The following NCBP1 variants were observed in gnomAD, a reference collection of about 807,000 sequenced individuals.
The protein encoded by NCBP1 is nuclear cap-binding protein subunit 1.
Under a neutral mutation model 111.7 loss-of-function variants are expected in NCBP1, and 16 were observed. That is an observed-to-expected ratio of 0.14 (90% CI 0.10 to 0.22). The LOEUF is 0.22. Ranked by LOEUF, NCBP1 falls within the 10% of genes least tolerant of loss-of-function variation. The pLI, the probability that NCBP1 is intolerant of heterozygous loss-of-function variation, is 1.00. For missense variants in NCBP1, 607 were observed against 957.5 expected, an observed-to-expected ratio of 0.63 and a Z score of 4.83; for synonymous variants, 304 against 314.3, an observed-to-expected ratio of 0.97 and a Z score of 0.35.
At chr9:97,653,021 A>G (rs948523474) in intron 10 of NCBP1, among the ~76,000 whole-genome samples, 2 of 152,158 alleles carry the variant, frequency 1.3e-5, no homozygotes, top group Non-Finnish European at 2.9e-5. Flanking sequence ...CATGGCAAAG[A>G]AGTCTTGGAC....
chr9:97,654,776 TA>T, intron 11 of NCBP1, 103 bp from the exon 12 acceptor site: 1 of 997,986 alleles, frequency 1.0e-6, no homozygotes, highest in Non-Finnish European at 1.5e-6. Flanking sequence ...TGTTCAGCAT[TA>T]TTAATCATTA....
chr9:97,648,733 T>A (rs1179542657), intron 8 of NCBP1, among the ~76,000 whole-genome samples: 1 of 152,210 alleles, frequency 6.6e-6, no homozygotes, highest in African/African-American at 2.4e-5. Context: ...TTTTTTCTTT[T>A]CGAAATGGGG....
chr9:97,639,704 G>GCAT (rs199600517), intron 1 of NCBP1, among the ~76,000 whole-genome samples: 2,029 of 152,246 alleles, frequency 0.013, 27 homozygotes, highest in Admixed American at 0.02. Flanking sequence ...TTTAGCAGCA[G>GCAT]CATCAGGTTC....
chr9:97,634,993 T>G (rs946533656), intron 1 of NCBP1, among the ~76,000 whole-genome samples: 1 of 152,228 alleles, frequency 6.6e-6, no homozygotes, highest in Admixed American at 6.5e-5. Flanking sequence ...TTGCCAACGC[T>G]TAAGAGGCGG....
intron 1 of NCBP1, among the ~76,000 whole-genome samples, chr9:97,639,759 C>T (rs1459054133): frequency 6.6e-6 from 1 of 152,082 alleles, no homozygotes. Flanking sequence ...TTATGTTATA[C>T]CACAAAAGGA....
intron 4 of NCBP1, among the ~76,000 whole-genome samples, 185 bp from the exon 5 acceptor site, chr9:97,644,932 T>TC (rs1187059683): frequency 2.0e-5 from 3 of 152,336 alleles, no homozygotes; most frequent in East Asian, 1.9e-4. Flanking sequence ...GATTTTTTTT[T>TC]CACGCATTTA....
In NCBP1 at chr9:97,648,022, G is replaced by T. The variant is rs751662041; in HGVS notation, c.696G>T (p.Leu232=). 3 of 1,613,136 alleles carry T rather than the reference G, an allele frequency of 1.9e-6. No individual in the cohort carries two copies. Among genetic ancestry groups the T allele is most frequent in the South Asian group, 2.2e-5 (2 of 90,950 alleles). ...TCTGTCTTTAGTATTTAGATTGCCTGTGGGCCCAGATTCAGAAATTGAAAA... is the reference window on the plus strand; with the variant it reads ...TCTGTCTTTAGTATTTAGATTGCCTTTGGGCCCAGATTCAGAAATTGAAAA... The part of the protein sequence containing the change: ...PHPQEEYLDC[L]WAQIQKLKKD... Residue 232 remains leucine, a synonymous_variant, in exon 8 of 23, where the codon CTG becomes CTT. Coordinates refer to ENST00000375147, the MANE Select transcript of NCBP1 (RefSeq NM_002486.5).
At chr9:97,649,357 C>T (rs553942137) in intron 8 of NCBP1, among the ~76,000 whole-genome samples, 1 of 152,228 alleles carries the variant, frequency 6.6e-6, no homozygotes, top group East Asian at 1.9e-4. Flanking sequence ...TAGCACTCTC[C>T]CTGCCTCAGT....
At chr9:97,649,256 T>C (rs1827432356) in intron 8 of NCBP1, among the ~76,000 whole-genome samples, 1 of 152,188 alleles carries the variant, frequency 6.6e-6, no homozygotes, top group African/African-American at 2.4e-5. Context: ...TATTGTACAA[T>C]TAAGAAAATT....
chr9:97,668,840 C>T lies in NCBP1; in HGVS notation c.2017-6C>T, dbSNP rs756255089. 1 of 1,608,812 alleles carries T rather than the reference C, an allele frequency of 6.2e-7. No homozygotes were observed. The highest frequency in any genetic ancestry group is 8.5e-7 in the Non-Finnish European group (1 of 1,178,434). ...TATTTTCCTTTTGTTCATTTGCCTT[C>T]TATAGCGAAGTGATGATGACGACAG... On this transcript the variant is annotated splice_region_variant and splice_polypyrimidine_tract_variant and intron_variant, in intron 20 of 22. Transcript: ENST00000375147.
At chr9:97,647,622 T>G in intron 7 of NCBP1, 61 bp downstream of exon 7, 1 of 1,351,760 alleles carries the variant, frequency 7.4e-7, no homozygotes, top group African/African-American at 1.4e-5. Flanking sequence ...GATTCTTATC[T>G]CTGTAAGATA....
chr9:97,636,058 C>T (rs1197470998), intron 1 of NCBP1: 1 of 152,086 alleles, frequency 6.6e-6, no homozygotes, highest in Non-Finnish European at 1.5e-5. Flanking sequence ...GTAAATAAGA[C>T]AAGTAAAACA....
intron 14 of NCBP1, among the ~76,000 whole-genome samples, chr9:97,657,064 T>A (rs1481226079): frequency 6.6e-6 from 1 of 152,106 alleles, no homozygotes; most frequent in Non-Finnish European, 1.5e-5. Context: ...CACCTCCGGG[T>A]TCACGCCATT....
chr9:97,637,074 AGAGT>A (rs1293026335), intron 1 of NCBP1, among the ~76,000 whole-genome samples: 5 of 152,178 alleles, frequency 3.3e-5, no homozygotes, highest in Admixed American at 1.3e-4. Flanking sequence ...GTGCTGGAGC[AGAGT>A]GAGTGAGGGG....
At chr9:97,646,034 A>G (rs1827325525) in intron 6 of NCBP1, among the ~76,000 whole-genome samples, 1 of 152,220 alleles carries the variant, frequency 6.6e-6, no homozygotes, top group African/African-American at 2.4e-5. Context: ...GTGGATAAGA[A>G]TTACCTGTGG....
chr9:97,670,157 A>G, intron 22 of NCBP1: 7 of 245,788 alleles, frequency 2.8e-5, no homozygotes, highest in South Asian at 5.6e-5. Context: ...TCCTGACCTC[A>G]GGAGGCCTCC....
At chr9:97,653,000 T>C (rs1404260688) in intron 10 of NCBP1, among the ~76,000 whole-genome samples, 2 of 152,182 alleles carry the variant, frequency 1.3e-5, no homozygotes, top group African/African-American at 2.4e-5. Context: ...AGGAAGTTTC[T>C]GAATAAGAGG....
At position 97,671,525 on chromosome 9, in the gene NCBP1, A is replaced by G. The variant is rs1375039450; in HGVS notation, c.*326A>G. 4.2e-6 allele frequency: 1 copy of G among 237,054 alleles called. No homozygotes were observed. The highest frequency in any genetic ancestry group is 1.2e-4 in the East Asian group (1 of 8,526). The allele number at this position is 237,054 out of a possible 1,614,324, so 14.7% of individuals were successfully genotyped here. A position where few individuals can be genotyped will look rare whatever the true frequency, so the allele number is the denominator to read the frequency against. On this transcript the variant is annotated 3_prime_UTR_variant, in exon 23 of 23. Transcript: ENST00000375147. ...GTGAAACACTAGAGGTCAACCTTAC[A>G]TAGTATATAGAACTGATGGGTTTAC...
chr9:97,655,095 C>G (rs968628974), intron 12 of NCBP1, 151 bp downstream of exon 12: 1 of 539,018 alleles, frequency 1.9e-6, no homozygotes, highest in Admixed American at 3.8e-5. Flanking sequence ...CAGACTCATA[C>G]TTAATGTAAC....
Sources: gnomAD v4.1 joint callset for allele counts (sites outside exome capture counted in the v4.1 genomes callset) on GRCh38, gnomAD v4.1.1 for gene constraint, MANE v1.5 for transcripts, NCBI Gene and HGNC (gene_info 2026-07-23, HGNC 2026-07-21) for gene names.